Variants in NRG1 observed in about 807,000 individuals in gnomAD.
NRG1 encodes neuregulin 1, also known as pro-neuregulin-1, membrane-bound isoform.
Under a neutral mutation model 63.8 loss-of-function variants are expected in NRG1, and 18 were observed. That is an observed-to-expected ratio of 0.28 (90% confidence interval 0.19 to 0.42). The LOEUF (loss-of-function observed/expected upper bound fraction) is 0.42, where lower values mean the gene tolerates loss of function less well. Among genes scored for constraint, NRG1 ranks in the 10% least tolerant of loss-of-function variants. The pLI, the probability that NRG1 is intolerant of heterozygous loss-of-function variation, is 1.00. For synonymous variants in NRG1, 302 were observed against 301.3 expected (o/e 1.00, Z -0.02); for missense variants, 762 against 814.7 (o/e 0.94, Z 0.79).
exon 5 of NRG1, chr8:32,616,870 G>A (rs765965180): frequency 6.3e-7 from 1 of 1,597,804 alleles, no homozygotes; most frequent in Admixed American, 1.7e-5. Context: ...CACAGAAGGA[G>A]CAAATACTTC....
chr8:32,136,000 G>A (rs746844827), intron 1 of NRG1, among the ~76,000 whole-genome samples: 43 of 152,122 alleles, frequency 2.8e-4, no homozygotes, highest in Non-Finnish European at 5.7e-4. Flanking sequence ...AGTCATTTAG[G>A]AAGGTGAGGA....
chr8:32,578,248 C>A (rs931972740), intron 1 of NRG1, among the ~76,000 whole-genome samples: 2 of 152,188 alleles, frequency 1.3e-5, no homozygotes, highest in African/African-American at 2.4e-5. Context: ...CCCGCCTCAG[C>A]CTTCCAAAGT....
chr8:32,213,880 G>A (rs1844943170), intron 1 of NRG1, among the ~76,000 whole-genome samples: 1 of 152,144 alleles, frequency 6.6e-6, no homozygotes, highest in South Asian at 2.1e-4. Context: ...CCAAGGGCTG[G>A]TAAGACCTTG....
chr8:31,878,553 G>A (rs868840008), intron 1 of NRG1, among the ~76,000 whole-genome samples: 14 of 152,214 alleles, frequency 9.2e-5, no homozygotes, highest in Admixed American at 5.9e-4. Context: ...TAGTAATATC[G>A]CCACAAACTG....
At chr8:32,379,983 C>T (rs1420814400) in intron 1 of NRG1, among the ~76,000 whole-genome samples, 1 of 152,186 alleles carries the variant, frequency 6.6e-6, no homozygotes, top group Non-Finnish European at 1.5e-5. Flanking sequence ...AAACCTTCTT[C>T]CTTACTGCAC....
At chr8:32,515,321 CTT>C (rs1829704317) in intron 1 of NRG1, among the ~76,000 whole-genome samples, 2 of 152,014 alleles carry the variant, frequency 1.3e-5, no homozygotes. Flanking sequence ...GGTGGTATCT[CTT>C]TGTGGTTTTG....
intron 6 of NRG1, among the ~76,000 whole-genome samples, chr8:32,729,075 A>T (rs1387247943): frequency 6.6e-6 from 1 of 152,046 alleles, no homozygotes; most frequent in Non-Finnish European, 1.5e-5. Context: ...CCCAAAAAAT[A>T]AAAAAAATAA....
chr8:31,826,337 GA>G lies in NRG1; in HGVS notation c.37+186908del, dbSNP rs571111286. Among the ~76,000 whole-genome samples, 50 of 152,222 alleles carry G rather than the reference GA, an allele frequency of 3.3e-4. 1 individual carries two copies. The highest frequency in any genetic ancestry group is 6.8e-3 in the Middle Eastern group (2 of 294). ...AGGAGGGACCTGGCAGGAGGTAATTGAATCATGGGGGTGGGTCTTTCCTGTG... is the reference window on the plus strand; with the variant it reads ...AGGAGGGACCTGGCAGGAGGTAATTGATCATGGGGGTGGGTCTTTCCTGTG... On this transcript the variant is annotated intron_variant, in intron 1 of 10. Coordinates refer to the NRG1 transcript ENST00000519301.
intron 1 of NRG1, among the ~76,000 whole-genome samples, chr8:31,961,215 G>A (rs775658832): frequency 6.6e-6 from 1 of 152,166 alleles, no homozygotes; most frequent in Non-Finnish European, 1.5e-5. Context: ...AGAGTAAAAA[G>A]CATTCTCTGT....
intron 1 of NRG1, among the ~76,000 whole-genome samples, chr8:31,883,987 A>C (rs922977124): frequency 2.0e-5 from 3 of 152,042 alleles, no homozygotes; most frequent in Admixed American, 6.6e-5. Flanking sequence ...TTTCCTCTGG[A>C]GAGTGAGACT....
chr8:32,520,022 A>G (rs73579878), intron 1 of NRG1, among the ~76,000 whole-genome samples: 4,341 of 152,270 alleles, frequency 0.029, 63 homozygotes, highest in Middle Eastern at 0.044. Context: ...ATATACACAC[A>G]CATACCCTCA....
intron 1 of NRG1, among the ~76,000 whole-genome samples, chr8:31,754,447 C>A (rs1302177812): frequency 6.6e-6 from 1 of 152,092 alleles, no homozygotes; most frequent in Admixed American, 6.6e-5. Context: ...CTTTGCCTTC[C>A]ACCATGATTG....
chr8:32,357,972 A>G (rs1317925128), intron 1 of NRG1, among the ~76,000 whole-genome samples: 1 of 152,224 alleles, frequency 6.6e-6, no homozygotes, highest in African/African-American at 2.4e-5. Context: ...ACCCAATTAA[A>G]ATACCGAATC....
intron 5 of NRG1, among the ~76,000 whole-genome samples, chr8:32,665,887 A>C (rs1380849407): frequency 6.6e-6 from 1 of 152,248 alleles, no homozygotes; most frequent in East Asian, 1.9e-4. Context: ...AGTGATTAAA[A>C]CAATGTATGA....
intron 1 of NRG1, among the ~76,000 whole-genome samples, chr8:31,896,029 T>G (rs1410621744): frequency 6.6e-6 from 1 of 152,190 alleles, no homozygotes; most frequent in Non-Finnish European, 1.5e-5. Flanking sequence ...AACGTGTTTT[T>G]GCCCATTTTC....
At chr8:32,346,390 A>T (rs1245327365) in intron 1 of NRG1, among the ~76,000 whole-genome samples, 1 of 151,582 alleles carries the variant, frequency 6.6e-6, no homozygotes, top group Non-Finnish European at 1.5e-5. Flanking sequence ...GACCAAAACA[A>T]ATCACTGTTA....
chr8:32,532,177 G>A (rs536269014), intron 1 of NRG1, among the ~76,000 whole-genome samples: 1 of 152,192 alleles, frequency 6.6e-6, no homozygotes, highest in African/African-American at 2.4e-5. Context: ...ATATTTACTG[G>A]GATTATGGAT....
At chr8:31,935,315 G>T (rs574611269) in intron 1 of NRG1, among the ~76,000 whole-genome samples, 76 of 151,836 alleles carry the variant, frequency 5.0e-4, no homozygotes, top group African/African-American at 1.7e-3. Flanking sequence ...TAGAAATGAG[G>T]TCTCACTATT....
At chr8:31,700,314 T>C in intron 1 of NRG1, among the ~76,000 whole-genome samples, 1 of 152,096 alleles carries the variant, frequency 6.6e-6, no homozygotes, top group East Asian at 1.9e-4. Context: ...TGATAGACTT[T>C]TAGTTGAATA....
Sources: gnomAD v4.1 joint callset for allele counts (sites outside exome capture counted in the v4.1 genomes callset) on GRCh38, gnomAD v4.1.1 for gene constraint, MANE v1.5 for transcripts, NCBI Gene and HGNC (gene_info 2026-07-23, HGNC 2026-07-21) for gene names.